The following FANCI variants were observed in gnomAD, a reference collection of about 807,000 sequenced individuals.
FANCI encodes the protein FA complementation group I.
In FANCI, 156 loss-of-function variants were observed where a neutral mutation model predicts 176.1. The ratio of observed to expected loss-of-function variants is 0.89; its 90% confidence interval spans 0.78 to 1.01. The LOEUF (loss-of-function observed/expected upper bound fraction) is 1.01, where lower values mean the gene tolerates loss of function less well. FANCI is among the 50% of genes least tolerant of loss of function. The pLI is 0.00. For synonymous variants in FANCI, 613 were observed against 541.7 expected (o/e 1.13, Z -1.83); for missense variants, 1,678 against 1,534.1 (o/e 1.09, Z -1.57).
chr15:89,309,949 T>G (rs2054890592), intron 34 of FANCI, among the ~76,000 whole-genome samples: 1 of 152,246 alleles, frequency 6.6e-6, no homozygotes, highest in Admixed American at 6.5e-5. Context: ...TTAGAGAACC[T>G]CTACCTTGTG....
At chr15:89,305,483 G>A (rs915820120) in intron 30 of FANCI, 74 bp downstream of exon 30, 2 of 1,609,390 alleles carry the variant, frequency 1.2e-6, no homozygotes, top group African/African-American at 2.7e-5. Context: ...AGTGACTTGT[G>A]TCCTATAGCG....
At chr15:89,258,557 C>A (rs2052591713) in intron 2 of FANCI, 147 bp from the exon 3 acceptor site, 2 of 731,148 alleles carry the variant, frequency 2.7e-6, no homozygotes, top group Admixed American at 1.9e-5. Flanking sequence ...GATATACCCT[C>A]CTCTGTCTAA....
chr15:89,285,158 C>A lies in FANCI; in HGVS notation c.1761C>A (p.Ile587=). 6.2e-7 allele frequency: 1 copy of A among 1,614,054 alleles called. No homozygotes were observed. Among genetic ancestry groups the A allele is most frequent in the East Asian group, 2.2e-5 (1 of 44,876 alleles). The part of the protein sequence containing the change: ...SVANETFCLE[I]MDSLRRCLSQ... ...CCAATGAAACTTTTTGCCTTGAGAT[C>A]ATGGATAGTTTGAGGAGATGCTTAA... Residue 587 remains isoleucine, a synonymous_variant, in exon 18 of 38, where the codon ATC becomes ATA. Transcript: ENST00000310775.
At chr15:89,267,067 G>A (rs2052993035) in intron 9 of FANCI, among the ~76,000 whole-genome samples, 1 of 151,796 alleles carries the variant, frequency 6.6e-6, no homozygotes, top group South Asian at 2.1e-4. Flanking sequence ...CCATTTCAAG[G>A]TCAAGCACTT....
chr15:89,263,404 A>G lies in FANCI; in HGVS notation c.504-15A>G. 1.2e-6 allele frequency: 2 copies of G among 1,609,116 alleles called. No individual in the cohort carries two copies. The highest frequency in any genetic ancestry group is 1.7e-6 in the Non-Finnish European group (2 of 1,175,732). ...AAGTTGTAAAGAAATAAACTTTGTC[A>G]TTTTCTTCTACCAGGTGGGATCAGC... On this transcript the variant is annotated splice_polypyrimidine_tract_variant and intron_variant, in intron 6 of 37. Coordinates refer to ENST00000310775, the MANE Select transcript of FANCI (RefSeq NM_001113378.2).
rs2055270379 is a variant in FANCI, at chr15:89,316,525, G to A, written c.*66G>A. ...TCATTTTTACCCAACAAGCAACAAT[G>A]CCCCTTGTCCTGTAGTCCACACCGA... On this transcript the variant is annotated 3_prime_UTR_variant, in exon 38 of 38. Transcript: ENST00000310775. The A allele has an allele frequency of 8.7e-6, 13 of 1,497,248 alleles. No homozygotes were observed. The highest frequency in any genetic ancestry group is 1.2e-5 in the Non-Finnish European group (13 of 1,090,932). 92.7% of individuals were successfully genotyped at this position (1,497,248 alleles called of 1,614,324 possible).
intron 27 of FANCI, among the ~76,000 whole-genome samples, chr15:89,302,496 AAAC>A (rs1409672861): frequency 6.6e-6 from 1 of 152,168 alleles, no homozygotes; most frequent in East Asian, 1.9e-4. Flanking sequence ...TTTCTTTTTT[AAAC>A]TTTTAAACTT....
chr15:89,302,960 T>C (rs907285417), intron 27 of FANCI, among the ~76,000 whole-genome samples: 8 of 152,130 alleles, frequency 5.3e-5, no homozygotes, highest in Non-Finnish European at 1.0e-4. Flanking sequence ...GTAAATGGTG[T>C]CCCCCACCCA....
At chr15:89,313,855 G>C (rs1166036335) in intron 35 of FANCI, among the ~76,000 whole-genome samples, 1 of 151,490 alleles carries the variant, frequency 6.6e-6, no homozygotes, top group Non-Finnish European at 1.5e-5. Flanking sequence ...TTATCTCCAA[G>C]ATAATGTTAA....
rs567502234 is a variant in FANCI, at chr15:89,315,024, G to T, written c.3817-258G>T. Among the ~76,000 whole-genome samples the T allele has an allele frequency of 1.7e-4, 26 of 152,110 alleles. No homozygotes were observed. In the East Asian group the frequency reaches 5.0e-3, roughly 29 times the overall value. ...GGGTCTCACTATGCTGCCCAGGCTG[G>T]TCTCAAACTCCTGGCCTGAAGTGAT... On this transcript the variant is annotated intron_variant, in intron 36 of 37. Transcript: ENST00000310775.
chr15:89,304,841 G>A (rs112504969), intron 28 of FANCI, among the ~76,000 whole-genome samples: 25 of 152,094 alleles, frequency 1.6e-4, no homozygotes, highest in African/African-American at 5.1e-4. Context: ...CAATGGCACG[G>A]TCTTGGCTGA....
chr15:89,264,420 A>T, intron 8 of FANCI, 102 bp from the exon 9 acceptor site: 1 of 922,674 alleles, frequency 1.1e-6, no homozygotes, highest in Non-Finnish European at 1.7e-6. Context: ...TTATTTATTT[A>T]AATTTGTACT....
intron 24 of FANCI, among the ~76,000 whole-genome samples, chr15:89,297,499 C>G (rs1298527825): frequency 1.3e-5 from 2 of 152,210 alleles, no homozygotes; most frequent in African/African-American, 4.8e-5. Context: ...GAGACTCCGT[C>G]TGCAATCCCG....
intron 18 of FANCI, among the ~76,000 whole-genome samples, chr15:89,286,273 G>A (rs767659916): frequency 1.3e-5 from 2 of 152,174 alleles, no homozygotes; most frequent in East Asian, 1.9e-4. Flanking sequence ...GATTACAGGC[G>A]TGAGCCACCA....
chr15:89,248,788 CA>C (rs139123807), intron 2 of FANCI, among the ~76,000 whole-genome samples: 3,336 of 152,216 alleles, frequency 0.022, 122 homozygotes, highest in African/African-American at 0.077. Context: ...AGCTTTTTGG[CA>C]GCAACATTAT....
chr15:89,305,246 C>A lies in FANCI; in HGVS notation c.3186+4C>A. The A allele has an allele frequency of 6.2e-7, 1 of 1,614,192 alleles. No homozygotes were observed. Among genetic ancestry groups the A allele is most frequent in the Non-Finnish European group, 8.5e-7 (1 of 1,180,034 alleles). On this transcript the variant is annotated splice_donor_region_variant and intron_variant, in intron 29 of 37. Coordinates refer to ENST00000310775, the MANE Select transcript of FANCI (RefSeq NM_001113378.2). ...GCATCTGGGAGATATAGACCAGGTA[C>A]TATAATGAGCCTTCAGTACAATACC... is the stretch of plus-strand genomic sequence containing the variant.
At position 89,261,656 on chromosome 15, in the gene FANCI, C is replaced by T; in HGVS notation, c.360C>T (p.Ser120=). The part of the protein sequence containing the change: ...NEFISAVREG[S]LVNGKSLELL... ...TTATTAGTGCTGTCAGAGAAGGCAG[C>T]CTAGTGAATGGAAAATCTTTGGAGT... Residue 120 remains serine, a synonymous_variant, in exon 5 of 38, where the codon AGC becomes AGT. Coordinates refer to ENST00000310775, the MANE Select transcript of FANCI (RefSeq NM_001113378.2). 6.2e-7 allele frequency: 1 copy of T among 1,614,096 alleles called. No homozygotes were observed. Among genetic ancestry groups the T allele is most frequent in the African/African-American group, 1.3e-5 (1 of 75,026 alleles).
intron 13 of FANCI, 62 bp downstream of exon 13, chr15:89,276,953 C>T: frequency 1.3e-6 from 2 of 1,559,634 alleles, no homozygotes; most frequent in Non-Finnish European, 1.8e-6. Flanking sequence ...TAGGGCTTGG[C>T]ATTTGCCTGG....
At chr15:89,284,978 C>T in intron 17 of FANCI, 118 bp from the exon 18 acceptor site, 1 of 1,130,036 alleles carries the variant, frequency 8.8e-7, no homozygotes, top group Non-Finnish European at 1.3e-6. Context: ...TGTCTCACCC[C>T]TGGGGTTTGG....
Sources: gnomAD v4.1 joint callset for allele counts (sites outside exome capture counted in the v4.1 genomes callset) on GRCh38, gnomAD v4.1.1 for gene constraint, MANE v1.5 for transcripts, NCBI Gene and HGNC (gene_info 2026-07-23, HGNC 2026-07-21) for gene names.